Variants in LRRC4C observed in about 807,000 individuals in gnomAD.
LRRC4C encodes the protein leucine-rich repeat-containing protein 4C.
A neutral mutation model predicts 33.6 loss-of-function variants in LRRC4C; 5 were observed. The ratio of observed to expected loss-of-function variants is 0.15; its 90% CI spans 0.08 to 0.31. The LOEUF (loss-of-function observed/expected upper bound fraction) is 0.31, where lower values mean the gene tolerates loss of function less well. Among genes scored for constraint, LRRC4C ranks in the 10% least tolerant of loss-of-function variants. The pLI is 1.00. For synonymous variants in LRRC4C, 329 were observed against 302.0 expected (o/e 1.09, Z -0.93); for missense variants, 560 against 796.7 (o/e 0.70, Z 3.58).
intron 3 of LRRC4C, among the ~76,000 whole-genome samples, chr11:40,482,598 T>C (rs1253959153): frequency 6.6e-6 from 1 of 151,998 alleles, no homozygotes; most frequent in Non-Finnish European, 1.5e-5. Context: ...GCCTCCTGAG[T>C]AGCTGGGACT....
At chr11:40,573,380 T>G (rs1046093252) in intron 3 of LRRC4C, among the ~76,000 whole-genome samples, 3 of 152,204 alleles carry the variant, frequency 2.0e-5, no homozygotes, top group Non-Finnish European at 4.4e-5. Flanking sequence ...CCTCTCTGAC[T>G]ATAGGAAAGT....
chr11:41,231,635 G>C (rs1947801327), intron 1 of LRRC4C, among the ~76,000 whole-genome samples: 1 of 150,708 alleles, frequency 6.6e-6, no homozygotes, highest in African/African-American at 2.4e-5. Flanking sequence ...GGAGGGAAGA[G>C]GGATAGCATT....
intron 2 of LRRC4C, among the ~76,000 whole-genome samples, chr11:40,891,017 G>C (rs958237473): frequency 2.0e-5 from 3 of 152,012 alleles, no homozygotes; most frequent in African/African-American, 7.2e-5. Context: ...CCGAAGCCGG[G>C]AGATCACCTG....
intron 3 of LRRC4C, among the ~76,000 whole-genome samples, chr11:40,371,636 C>A (rs1948453436): frequency 6.6e-6 from 1 of 152,162 alleles, no homozygotes; most frequent in South Asian, 2.1e-4. Flanking sequence ...GAGCCAACAA[C>A]TAATGGCCCG....
At chr11:40,141,339 T>C (rs985318778) in intron 5 of LRRC4C, among the ~76,000 whole-genome samples, 1 of 152,074 alleles carries the variant, frequency 6.6e-6, no homozygotes, top group South Asian at 2.1e-4. Context: ...AAGAAAGATA[T>C]AAAATCTTTC....
At chr11:40,667,745 A>G (rs1305529006) in intron 2 of LRRC4C, among the ~76,000 whole-genome samples, 1 of 152,190 alleles carries the variant, frequency 6.6e-6, no homozygotes, top group Admixed American at 6.5e-5. Context: ...AAGAAATTGA[A>G]TTAGGCCAAC....
rs113513387 is a variant in LRRC4C, at chr11:40,209,605, C to T, written c.-96+31914G>A. Among the ~76,000 whole-genome samples, 605 of 152,102 alleles carry T rather than the reference C, an allele frequency of 4.0e-3. 1 individual carries two copies. Among genetic ancestry groups the T allele is most frequent in the African/African-American group, 0.014 (581 of 41,510 alleles). On this transcript the variant is annotated intron_variant, in intron 5 of 6. Transcript: ENST00000528697. ...TCACCCAGGCTGGAATACACTGGTG[C>T]GATCTCGGCTCACGGCAACCTCTGC...
At chr11:41,177,805 C>T (rs1370807789) in intron 1 of LRRC4C, among the ~76,000 whole-genome samples, 1 of 152,150 alleles carries the variant, frequency 6.6e-6, no homozygotes, top group Non-Finnish European at 1.5e-5. Flanking sequence ...GCAATCACAT[C>T]GCCCACTACT....
At chr11:41,389,770 T>G (rs1430510631) in intron 1 of LRRC4C, among the ~76,000 whole-genome samples, 1 of 151,214 alleles carries the variant, frequency 6.6e-6, no homozygotes, top group African/African-American at 2.4e-5. Flanking sequence ...GGCAAACACA[T>G]AACCAAGGCT....
chr11:40,986,829 A>G (rs1182137980), intron 1 of LRRC4C, among the ~76,000 whole-genome samples: 3 of 152,306 alleles, frequency 2.0e-5, no homozygotes, highest in Middle Eastern at 3.4e-3. Context: ...TTATGTGGAA[A>G]TATTTAATAT....
chr11:41,281,585 G>A (rs1008950581), intron 1 of LRRC4C, among the ~76,000 whole-genome samples: 3 of 152,172 alleles, frequency 2.0e-5, no homozygotes, highest in Non-Finnish European at 2.9e-5. Flanking sequence ...TTAAGCCAGC[G>A]GTTCTCCAAC....
intron 1 of LRRC4C, among the ~76,000 whole-genome samples, chr11:41,196,642 T>C (rs959902140): frequency 2.6e-5 from 4 of 152,028 alleles, no homozygotes; most frequent in African/African-American, 9.7e-5. Flanking sequence ...AATGAATAGA[T>C]GGATAACTGG....
chr11:41,455,096 G>C (rs1021535191), intron 1 of LRRC4C, among the ~76,000 whole-genome samples: 3 of 152,030 alleles, frequency 2.0e-5, no homozygotes, highest in Admixed American at 2.0e-4. Context: ...ATATTCTCTT[G>C]CTGTCATAAC....
intron 1 of LRRC4C, among the ~76,000 whole-genome samples, chr11:41,435,604 C>T (rs1358769289): frequency 6.6e-6 from 1 of 152,130 alleles, no homozygotes; most frequent in African/African-American, 2.4e-5. Context: ...ATATGTTCCT[C>T]GGAAACTTAT....
chr11:41,119,686 G>T (rs1942324885), intron 1 of LRRC4C, among the ~76,000 whole-genome samples: 1 of 152,150 alleles, frequency 6.6e-6, no homozygotes, highest in Non-Finnish European at 1.5e-5. Context: ...TTTGCTACCA[G>T]GCAGTCTCAT....
chr11:41,438,416 C>T lies in LRRC4C; in HGVS notation c.-496+21015G>A, dbSNP rs1955510233. The stretch of plus-strand genomic sequence containing the variant: ...TTTTCAAAAATAATCCAACAAAAAG[C>T]TGAGATGGAAGAAAACACTGAGATG... On this transcript the variant is annotated intron_variant, in intron 1 of 6. Coordinates refer to ENST00000528697, the MANE Select transcript of LRRC4C (RefSeq NM_001258419.2). 2.0e-5 allele frequency among the ~76,000 whole-genome samples: 3 copies of T among 152,020 alleles called. 1 individual carries two copies. The South Asian group carries it at 6.2e-4, about 32-fold the overall frequency.
chr11:40,647,213 A>T (rs1259877072), intron 3 of LRRC4C, among the ~76,000 whole-genome samples: 1 of 152,226 alleles, frequency 6.6e-6, no homozygotes, highest in Non-Finnish European at 1.5e-5. Context: ...CATGAGCAAT[A>T]CCTTCTACCT....
chr11:40,252,621 G>A (rs976691337), intron 4 of LRRC4C, among the ~76,000 whole-genome samples: 9 of 152,246 alleles, frequency 5.9e-5, no homozygotes, highest in South Asian at 4.1e-4. Flanking sequence ...GAGATAGCTC[G>A]AAACCCACAG....
chr11:40,513,735 A>G (rs1454288838), intron 3 of LRRC4C, among the ~76,000 whole-genome samples: 1 of 152,084 alleles, frequency 6.6e-6, no homozygotes, highest in African/African-American at 2.4e-5. Context: ...AGTTTTTTCT[A>G]TTTCCTATAT....
Sources: gnomAD v4.1 joint callset for allele counts (sites outside exome capture counted in the v4.1 genomes callset) on GRCh38, gnomAD v4.1.1 for gene constraint, MANE v1.5 for transcripts, NCBI Gene and HGNC (gene_info 2026-07-23, HGNC 2026-07-21) for gene names.